Variants in DGKH observed in about 807,000 individuals in gnomAD.
DGKH encodes the protein DAG kinase eta.
In DGKH, 90 loss-of-function variants were observed where a neutral mutation model predicts 159.3. That is an observed-to-expected ratio of 0.57 (90% confidence interval 0.48 to 0.67). DGKH has a LOEUF of 0.67. Ranked by LOEUF, DGKH falls within the 30% of genes least tolerant of loss-of-function variation. The pLI is 0.00. For synonymous variants in DGKH, 536 were observed against 553.8 expected (o/e 0.97, Z 0.45); for missense variants, 1,181 against 1,506.1 (o/e 0.78, Z 3.57).
chr13:42,215,674 A>C lies in DGKH; in HGVS notation c.3213+7A>C. 1 of 1,603,592 alleles carries C rather than the reference A, an allele frequency of 6.2e-7. No homozygotes were observed. Among genetic ancestry groups the C allele is most frequent in the African/African-American group, 1.3e-5 (1 of 74,912 alleles). ...AGTTGGCAGGGTTCCTTTGGTAAGGAAAAGAATGACTGGTAACATAAGAAT... is the reference window on the plus strand; with the variant it reads ...AGTTGGCAGGGTTCCTTTGGTAAGGCAAAGAATGACTGGTAACATAAGAAT... On this transcript the variant is annotated splice_region_variant and intron_variant, in intron 26 of 29. Transcript: ENST00000337343.
Position 42,219,811 on chromosome 13 carries a change from G to A in DGKH, c.3442+17G>A, listed in dbSNP as rs769068056. On this transcript the variant is annotated intron_variant, in intron 28 of 29. Transcript: ENST00000337343. The stretch of plus-strand genomic sequence containing the variant: ...CACAGCCTGGTAGGTGGTCCATATG[G>A]AAGGGGAAATATAACATTATGAAAA... 6 of 1,602,450 alleles carry A rather than the reference G, an allele frequency of 3.7e-6. No homozygotes were observed. Among genetic ancestry groups the A allele is most frequent in the Non-Finnish European group, 5.1e-6 (6 of 1,171,258 alleles).
Position 42,210,944 on chromosome 13 carries a change from T to C in DGKH, c.3014+179T>C, listed in dbSNP as rs185857980. Among the ~76,000 whole-genome samples, 55 of 152,330 alleles carry C rather than the reference T, an allele frequency of 3.6e-4. 1 individual carries two copies. Among genetic ancestry groups the C allele is most frequent in the African/African-American group, 1.3e-3 (54 of 41,566 alleles). On this transcript the variant is annotated intron_variant, in intron 24 of 29. Coordinates refer to ENST00000337343, the MANE Select transcript of DGKH (RefSeq NM_178009.5). ...CCATTTTATATACATCTTTACACTA[T>C]ACTACCTACTTATATGTTGCCTTCT...
intron 30 of DGKH, among the ~76,000 whole-genome samples, chr13:42,254,009 A>G (rs960876081): frequency 6.6e-6 from 1 of 151,772 alleles, no homozygotes; most frequent in South Asian, 2.1e-4. Flanking sequence ...AAAAAAAAAA[A>G]GTATATTAAT....
chr13:42,199,453 A>C (rs1957294156), intron 18 of DGKH, 113 bp from the exon 19 acceptor site: 1 of 692,308 alleles, frequency 1.4e-6, no homozygotes, highest in Non-Finnish European at 2.3e-6. Context: ...TAAGTTTTAC[A>C]ATCTGCTATA....
downstream of DGKH, among the ~76,000 whole-genome samples, chr13:42,243,422 T>G (rs932281739): frequency 2.0e-5 from 3 of 152,340 alleles, no homozygotes; most frequent in African/African-American, 7.2e-5. Context: ...TAGTAATGAT[T>G]CCTTAAAGTT....
chr13:42,196,596 C>T (rs989016572), intron 17 of DGKH, among the ~76,000 whole-genome samples: 14 of 152,200 alleles, frequency 9.2e-5, no homozygotes, highest in Non-Finnish European at 1.5e-4. Context: ...AGAAAGTAGA[C>T]GGTGGTTCCC....
chr13:42,182,996 T>C (rs1388401040), intron 13 of DGKH, among the ~76,000 whole-genome samples: 6 of 152,040 alleles, frequency 3.9e-5, no homozygotes, highest in African/African-American at 4.8e-5. Context: ...CTTTAAGACT[T>C]TAAAAATCTT....
intron 7 of DGKH, among the ~76,000 whole-genome samples, chr13:42,164,905 T>C (rs1226183669): frequency 6.6e-6 from 1 of 152,186 alleles, no homozygotes; most frequent in African/African-American, 2.4e-5. Flanking sequence ...TTAAATTTTA[T>C]AAGAATTTTT....
intron 3 of DGKH, 106 bp from the exon 4 acceptor site, chr13:42,155,185 A>C: frequency 1.2e-6 from 1 of 867,034 alleles, no homozygotes; most frequent in Non-Finnish European, 1.8e-6. Context: ...AAACGTAAGA[A>C]ATAAAGACTC....
chr13:42,079,696 A>G (rs1232228760), intron 1 of DGKH, among the ~76,000 whole-genome samples: 1 of 152,176 alleles, frequency 6.6e-6, no homozygotes, highest in African/African-American at 2.4e-5. Flanking sequence ...CTAACTTTGT[A>G]TGATCATGTC....
chr13:42,250,161 G>T (rs1958611524), intron 29 of DGKH, among the ~76,000 whole-genome samples: 2 of 151,602 alleles, frequency 1.3e-5, no homozygotes, highest in South Asian at 4.2e-4. Context: ...AGTAGAGATG[G>T]GGCTTCACCA....
rs1430457145 is a variant in DGKH, at chr13:42,221,258, T to A, written c.3443-6T>A. 1 of 1,613,152 alleles carries A rather than the reference T, an allele frequency of 6.2e-7. No homozygotes were observed. Among genetic ancestry groups the A allele is most frequent in the Admixed American group, 1.7e-5 (1 of 59,942 alleles). ...ATTAAGGGGGTTTTGCTCTTAACTT[T>A]GGTAGTTCAGAAATGGGGCACAGAG... On this transcript the variant is annotated splice_region_variant and splice_polypyrimidine_tract_variant and intron_variant, in intron 28 of 29. Transcript: ENST00000337343.
intron 1 of DGKH, among the ~76,000 whole-genome samples, chr13:42,063,939 GAA>G (rs77810411): frequency 3.3e-5 from 4 of 120,914 alleles, no homozygotes; most frequent in Admixed American, 2.1e-4. Context: ...AACTCCGTCT[GAA>G]AAAAAAAATA....
chr13:42,138,166 C>G, intron 3 of DGKH: 4 of 934,226 alleles, frequency 4.3e-6, no homozygotes, highest in Non-Finnish European at 5.1e-6. Context: ...TGGCTAATAG[C>G]AGGGCACAGC....
intron 1 of DGKH, among the ~76,000 whole-genome samples, chr13:42,068,764 A>G (rs1477644335): frequency 1.3e-5 from 2 of 152,236 alleles, no homozygotes; most frequent in Non-Finnish European, 2.9e-5. Flanking sequence ...TAAAATGAAA[A>G]CTATCTCACA....
chr13:42,228,679 GAAA>G (rs1958204965), intron 29 of DGKH, among the ~76,000 whole-genome samples: 1 of 53,874 alleles, frequency 1.9e-5, no homozygotes, highest in Admixed American at 1.5e-4. Context: ...GAAAGAAAGA[GAAA>G]AGAAAGAGAG....
chr13:42,226,524 T>A (rs1958136864), intron 29 of DGKH, among the ~76,000 whole-genome samples: 1 of 152,166 alleles, frequency 6.6e-6, no homozygotes, highest in South Asian at 2.1e-4. Context: ...CTGTTAACAA[T>A]AGCAAAGACA....
chr13:42,116,036 A>G (rs751278583), intron 1 of DGKH, among the ~76,000 whole-genome samples: 8 of 152,248 alleles, frequency 5.3e-5, no homozygotes, highest in Non-Finnish European at 1.0e-4. Flanking sequence ...TTGACATGCC[A>G]TGTTTTTAAA....
chr13:42,178,597 CATT>C lies in DGKH; in HGVS notation c.1538+379_1538+381del, dbSNP rs551638182. ...TACTATTTAGGAACTGTTTACATCA[CATT>C]AGAAAAAGGAAAATGATGAGATTTT... On this transcript the variant is annotated intron_variant, in intron 13 of 29. Transcript: ENST00000337343. Among the ~76,000 whole-genome samples the C allele has an allele frequency of 3.9e-5, 6 of 152,228 alleles. No individual in the cohort carries two copies. In the South Asian group the frequency reaches 1.2e-3, roughly 32 times the overall value.
Sources: gnomAD v4.1 joint callset for allele counts (sites outside exome capture counted in the v4.1 genomes callset) on GRCh38, gnomAD v4.1.1 for gene constraint, MANE v1.5 for transcripts, NCBI Gene and HGNC (gene_info 2026-07-23, HGNC 2026-07-21) for gene names.